The following PKD1L3 variants were observed in gnomAD, a reference collection of about 807,000 sequenced individuals.
The protein encoded by PKD1L3 is polycystin-1-like protein 3.
Under a neutral mutation model 184.1 loss-of-function variants are expected in PKD1L3, and 239 were observed. That is an observed-to-expected ratio of 1.30 (90% CI 1.17 to 1.45). PKD1L3 has a LOEUF of 1.45. Among genes scored for constraint, PKD1L3 ranks in the 40% most tolerant of loss-of-function variants. The pLI is 0.00. For missense variants in PKD1L3, 2,660 were observed against 2,067.2 expected, an observed-to-expected ratio of 1.29 and a Z score of -5.56; for synonymous variants, 996 against 778.8, an observed-to-expected ratio of 1.28 and a Z score of -4.64.
chr16:71,945,337 CACACAT>C lies in PKD1L3; in HGVS notation c.3719-1173_3719-1168del, dbSNP rs1411581573. Among the ~76,000 whole-genome samples, 6 of 107,368 alleles carry C rather than the reference CACACAT, an allele frequency of 5.6e-5. No individual in the cohort carries two copies. In the South Asian group the frequency reaches 1.8e-3, roughly 33 times the overall value. The allele number at this position is 107,368 out of a possible 152,430, so 70.4% of individuals were successfully genotyped here. ...ACACACACACATATATACACACACACACACATATATTTATATATGTATTTATATACA... is the reference window on the plus strand; with the variant it reads ...ACACACACACATATATACACACACACATATTTATATATGTATTTATATACA... On this transcript the variant is annotated intron_variant, in intron 22 of 29. Transcript: ENST00000620267.
intron 4 of PKD1L3, 91 bp from the exon 5 acceptor site, chr16:71,986,560 T>C: frequency 7.2e-7 from 1 of 1,381,448 alleles, no homozygotes; most frequent in Non-Finnish European, 9.7e-7. Context: ...TCTGAAACTC[T>C]GTCCTATGAG....
At chr16:71,965,588 T>C (rs1302900584) in intron 15 of PKD1L3, among the ~76,000 whole-genome samples, 3 of 150,146 alleles carry the variant, frequency 2.0e-5, no homozygotes, top group Admixed American at 6.7e-5. Flanking sequence ...ATGGTCTCAC[T>C]CTGTTGCCAA....
rs749183601 is a variant in PKD1L3 at position 71,953,143 on chromosome 16, C to T, written c.2810-50G>A. 7 of 1,365,956 alleles carry T rather than the reference C, an allele frequency of 5.1e-6. 1 individual carries two copies. The highest frequency in any genetic ancestry group is 4.8e-6 in the Non-Finnish European group (5 of 1,038,380). 84.6% of individuals were successfully genotyped at this position (1,365,956 alleles called of 1,614,324 possible). ...TTTCATCTTCAACAATTAAAATAAT[C>T]GCAAAGTCATTCCTCTCCTAGGTTT... On this transcript the variant is annotated intron_variant, in intron 17 of 29. Coordinates refer to ENST00000620267, the MANE Select transcript of PKD1L3 (RefSeq NM_181536.2).
intron 4 of PKD1L3, among the ~76,000 whole-genome samples, chr16:71,986,993 CG>C (rs1203833843): frequency 1.5e-5 from 2 of 133,360 alleles, no homozygotes; most frequent in Non-Finnish European, 3.1e-5. Context: ...GGCACGATCT[CG>C]GCTCACTGCA....
At chr16:71,950,734 TC>T (rs2038796881) in intron 19 of PKD1L3, among the ~76,000 whole-genome samples, 4 of 75,174 alleles carry the variant, frequency 5.3e-5, no homozygotes, top group African/African-American at 2.4e-4. Context: ...TTTGTATTTC[TC>T]TCTTTTTTTT....
intron 4 of PKD1L3, 44 bp downstream of exon 4, chr16:71,990,236 G>A: frequency 2.1e-6 from 3 of 1,454,930 alleles, no homozygotes; most frequent in Non-Finnish European, 2.8e-6. Context: ...GTATGACAAA[G>A]AGATCAACAT....
chr16:71,976,806 G>A (rs562928351), intron 11 of PKD1L3, among the ~76,000 whole-genome samples: 21 of 152,064 alleles, frequency 1.4e-4, no homozygotes, highest in Non-Finnish European at 1.9e-4. Context: ...GCAGTGGCAC[G>A]GTGTCAGCTC....
intron 22 of PKD1L3, among the ~76,000 whole-genome samples, chr16:71,946,222 A>T (rs2038598720): frequency 6.6e-6 from 1 of 152,182 alleles, no homozygotes; most frequent in Non-Finnish European, 1.5e-5. Context: ...TTCATCTCAC[A>T]AGGAATGGAG....
chr16:71,978,373 A>T lies in PKD1L3; in HGVS notation c.1409T>A (p.Leu470Gln), dbSNP rs767311098. The T allele has an allele frequency of 1.3e-6, 2 of 1,548,844 alleles. No individual in the cohort carries two copies. The highest frequency in any genetic ancestry group is 2.7e-5 in the African/African-American group (2 of 72,972). ...HPGVNVQITG[L>Q]AFNPFKDLDN... ...CAAATCCTTGAAGGGATTGAAAGCTAGTCCTGTTATCTAAAGACAAAGAGA... is the reference window on the plus strand; with the variant it reads ...CAAATCCTTGAAGGGATTGAAAGCTTGTCCTGTTATCTAAAGACAAAGAGA... Residue 470 changes from leucine to glutamine, a missense_variant, in exon 10 of 30, where the codon CTA (leucine) becomes CAA (glutamine). Physicochemically the swap from Leu to Gln is moderately radical, Grantham distance 113. Coordinates refer to ENST00000620267, the MANE Select transcript of PKD1L3 (RefSeq NM_181536.2).
chr16:71,946,072 C>T (rs2038592375), intron 22 of PKD1L3, among the ~76,000 whole-genome samples: 1 of 152,192 alleles, frequency 6.6e-6, no homozygotes, highest in African/African-American at 2.4e-5. Context: ...GATTCTCCTG[C>T]CTCAGCCTCC....
In PKD1L3 at chr16:71,942,690, T is replaced by G; in HGVS notation, c.4194A>C (p.Leu1398=). The G allele has an allele frequency of 6.4e-7, 1 of 1,551,730 alleles. No homozygotes were observed. Among genetic ancestry groups the G allele is most frequent in the Non-Finnish European group, 8.7e-7 (1 of 1,147,010 alleles). Reference sequence around the variant, plus strand: ...ACCTCCTTAGATGAAGTCCAGGGAATAGGCTCTTGGGACGCCCACAGGTAT... The same window carrying G: ...ACCTCCTTAGATGAAGTCCAGGGAAGAGGCTCTTGGGACGCCCACAGGTAT... ...NGHTCGRPKS[L]FPGLHLRRFS... is the part of the protein sequence containing the mutation. Residue 1398 remains leucine (L), a synonymous_variant, in exon 24 of 30, where the codon CTA becomes CTC. Coordinates refer to ENST00000620267, the MANE Select transcript of PKD1L3 (RefSeq NM_181536.2).
intron 2 of PKD1L3, among the ~76,000 whole-genome samples, chr16:71,996,253 CTTTTTTTTTT>C (rs67457253): frequency 1.5e-5 from 1 of 67,862 alleles, no homozygotes; most frequent in East Asian, 4.9e-4. Flanking sequence ...CCTCCCCCGC[CTTTTTTTTTT>C]TTTTTTTTTT....
intron 2 of PKD1L3, among the ~76,000 whole-genome samples, chr16:71,993,850 C>A (rs926443576): frequency 1.3e-5 from 2 of 152,222 alleles, no homozygotes; most frequent in Non-Finnish European, 2.9e-5. Context: ...TCTGGGCTCA[C>A]TGCAATCTGC....
At chr16:71,982,775 G>T (rs768159140) in intron 6 of PKD1L3, among the ~76,000 whole-genome samples, 52 of 151,658 alleles carry the variant, frequency 3.4e-4, no homozygotes, top group Non-Finnish European at 2.5e-4. Flanking sequence ...AAAATTTTTT[G>T]TAGAGGCAGG....
At chr16:71,929,904 G>A (rs1395763392) in intron 29 of PKD1L3, 148 bp downstream of exon 29, 2 of 1,135,928 alleles carry the variant, frequency 1.8e-6, no homozygotes, top group Non-Finnish European at 2.4e-6. Context: ...GGGTTTCCTA[G>A]GAAGATAGCT....
Position 71,982,116 on chromosome 16 carries a change from G to A in PKD1L3, c.1086C>T (p.Asn362=). 6.4e-7 allele frequency: 1 copy of A among 1,551,758 alleles called. No homozygotes were observed. Among genetic ancestry groups the A allele is most frequent in the African/African-American group, 1.4e-5 (1 of 73,060 alleles). The change falls in exon 7 of 30, where the codon AAC becomes AAT. Residue 362 remains asparagine (N), a synonymous_variant. Coordinates refer to ENST00000620267, the MANE Select transcript of PKD1L3 (RefSeq NM_181536.2). ...TTCCTTCTCCAGCTTTGGTGACATT[G>A]TTGAGGGAATGAAAGGGGCAGACAG... ...PPTVCPFHSL[N]NVTKAGEGSW...
chr16:71,974,033 G>T (rs1441345545), intron 11 of PKD1L3, among the ~76,000 whole-genome samples: 1 of 151,706 alleles, frequency 6.6e-6, no homozygotes, highest in Non-Finnish European at 1.5e-5. Flanking sequence ...TATTCTTCTG[G>T]TATGTGAACA....
chr16:71,998,270 A>G lies in PKD1L3; in HGVS notation c.418+2T>C. 6.4e-7 allele frequency: 1 copy of G among 1,551,852 alleles called. No individual in the cohort carries two copies. Among genetic ancestry groups the G allele is most frequent in the Non-Finnish European group, 8.7e-7 (1 of 1,146,968 alleles). On this transcript the variant is annotated splice_donor_variant, in intron 2 of 29. Coordinates refer to ENST00000620267, the MANE Select transcript of PKD1L3 (RefSeq NM_181536.2). LOFTEE classifies it high-confidence loss of function. ...TTGGCAGCATGTAGCTTTATCACTTACCAGTCTGGCAAATGAAATAGTATT... is the reference window on the plus strand; with the variant it reads ...TTGGCAGCATGTAGCTTTATCACTTGCCAGTCTGGCAAATGAAATAGTATT...
At chr16:71,961,209 C>T (rs1375101254) in intron 16 of PKD1L3, among the ~76,000 whole-genome samples, 1 of 152,120 alleles carries the variant, frequency 6.6e-6, no homozygotes, top group Non-Finnish European at 1.5e-5. Context: ...TCACTGCAGC[C>T]TTGACCTCCC....
Sources: allele counts gnomAD v4.1 joint callset (sites outside exome capture counted in the v4.1 genomes callset), GRCh38; gene constraint gnomAD v4.1.1; transcripts MANE v1.5; gene names NCBI Gene and HGNC (gene_info 2026-07-23, HGNC 2026-07-21).